PTPRN2: variants seen among roughly 807,000 people sequenced by gnomAD.
PTPRN2 encodes receptor-type tyrosine-protein phosphatase N2.
PTPRN2 carries 74 observed loss-of-function variants against 118.8 expected under a neutral mutation model. That is an observed-to-expected ratio of 0.62 (90% CI 0.52 to 0.76). PTPRN2 has a LOEUF of 0.76. Among genes scored for constraint, PTPRN2 ranks in the 30% least tolerant of loss-of-function variants. PTPRN2 has a pLI of 0.00. For synonymous variants in PTPRN2, 641 were observed against 608.0 expected (o/e 1.05, Z -0.80); for missense variants, 1,481 against 1,394.4 (o/e 1.06, Z -0.99).
chr7:158,040,738 T>TTTTTC (rs1295097449), intron 11 of PTPRN2, among the ~76,000 whole-genome samples: 4 of 142,264 alleles, frequency 2.8e-5, no homozygotes, highest in Non-Finnish European at 6.0e-5. Context: ...TTTTCTTTCT[T>TTTTTC]TTTTTTTTTT....
At chr7:158,323,609 G>A (rs527812350) in intron 2 of PTPRN2, among the ~76,000 whole-genome samples, 1 of 152,272 alleles carries the variant, frequency 6.6e-6, no homozygotes, top group African/African-American at 2.4e-5. Flanking sequence ...CATTTTCTGT[G>A]GTTGGATTTT....
At chr7:158,306,590 A>G (rs1412338420) in intron 3 of PTPRN2, among the ~76,000 whole-genome samples, 1 of 152,202 alleles carries the variant, frequency 6.6e-6, no homozygotes, top group Admixed American at 6.5e-5. Context: ...AAAAAACACA[A>G]ACTTTACAGA....
chr7:158,454,643 G>A (rs12533902), intron 2 of PTPRN2, among the ~76,000 whole-genome samples: 4,205 of 150,384 alleles, frequency 0.028, 85 homozygotes, highest in Non-Finnish European at 0.043. Flanking sequence ...GATTGGGGAT[G>A]GTTGCTATGG....
intron 11 of PTPRN2, among the ~76,000 whole-genome samples, chr7:157,949,541 T>A (rs1800684309): frequency 6.6e-6 from 1 of 152,248 alleles, no homozygotes; most frequent in Non-Finnish European, 1.5e-5. Flanking sequence ...TGAACATCAT[T>A]GAGGGGCTCA....
intron 3 of PTPRN2, among the ~76,000 whole-genome samples, chr7:158,259,442 C>G (rs146221104): frequency 3.3e-5 from 5 of 152,348 alleles, no homozygotes; most frequent in Non-Finnish European, 7.3e-5. Flanking sequence ...ATCACAGACA[C>G]CCCTCAGAGC....
rs74895395 is a variant in PTPRN2, at chr7:158,246,552, C to T, written c.278-41279G>A. Among the ~76,000 whole-genome samples the T allele has an allele frequency of 4.7e-3, 709 of 151,238 alleles. 9 individuals carry two copies. The highest frequency in any genetic ancestry group is 0.016 in the African/African-American group (675 of 41,096). ...ACAAGTCACCGTGGGTGGTCATTGTCCTTGTCCACGGGATTTTTCAAAGTA... is the reference window on the plus strand; with the variant it reads ...ACAAGTCACCGTGGGTGGTCATTGTTCTTGTCCACGGGATTTTTCAAAGTA... On this transcript the variant is annotated intron_variant, in intron 3 of 22. Coordinates refer to ENST00000389418, the MANE Select transcript of PTPRN2 (RefSeq NM_002847.5).
chr7:158,144,646 G>A (rs1054348446), intron 6 of PTPRN2, among the ~76,000 whole-genome samples: 11 of 152,116 alleles, frequency 7.2e-5, no homozygotes, highest in Non-Finnish European at 1.5e-4. Flanking sequence ...GAAGGGGAAG[G>A]GGAAGGAGAA....
intron 11 of PTPRN2, among the ~76,000 whole-genome samples, chr7:157,918,953 C>T (rs1353800582): frequency 2.6e-5 from 4 of 152,176 alleles, no homozygotes; most frequent in East Asian, 1.9e-4. Flanking sequence ...ACCTGAGGTG[C>T]GGACTTTAAA....
At position 158,310,336 on chromosome 7, in the gene PTPRN2, C is replaced by T. The variant is rs115920912; in HGVS notation, c.277+6483G>A. ...CAGTATCTCTTAGAGAACAGCTCGG[C>T]CATCATGAATGGAATGCTGGGAGGA... On this transcript the variant is annotated intron_variant, in intron 3 of 22. Transcript: ENST00000389418. 8.2e-3 allele frequency among the ~76,000 whole-genome samples: 1,254 copies of T among 152,314 alleles called. 20 individuals carry two copies. Among genetic ancestry groups the T allele is most frequent in the African/African-American group, 0.029 (1,190 of 41,554 alleles).
chr7:158,453,596 T>C (rs981518170), intron 2 of PTPRN2, among the ~76,000 whole-genome samples: 4 of 123,180 alleles, frequency 3.2e-5, no homozygotes, highest in Non-Finnish European at 7.2e-5. Context: ...TGGGAGAGGC[T>C]ACTGTTGCCC....
At chr7:158,048,613 A>G (rs1258860547) in intron 11 of PTPRN2, among the ~76,000 whole-genome samples, 3 of 99,716 alleles carry the variant, frequency 3.0e-5, no homozygotes, top group Non-Finnish European at 4.4e-5. Flanking sequence ...CATCAATCAC[A>G]TCACCACTAC....
intron 12 of PTPRN2, among the ~76,000 whole-genome samples, chr7:157,832,457 T>C (rs1482802460): frequency 6.6e-6 from 1 of 152,196 alleles, no homozygotes; most frequent in Non-Finnish European, 1.5e-5. Flanking sequence ...TCAAGAAATG[T>C]AGCGGTTCTG....
At chr7:157,875,182 A>C (rs1795677996) in intron 12 of PTPRN2, among the ~76,000 whole-genome samples, 1 of 152,106 alleles carries the variant, frequency 6.6e-6, no homozygotes, top group African/African-American at 2.4e-5. Flanking sequence ...TGACTTCACT[A>C]TTTTCGAAAT....
In PTPRN2 at chr7:158,522,457, G is replaced by A. The variant is rs953915201; in HGVS notation, c.113-32672C>T. Among the ~76,000 whole-genome samples the A allele has an allele frequency of 1.3e-5, 2 of 151,924 alleles. 1 individual carries two copies. The highest frequency in any genetic ancestry group is 4.8e-5 in the African/African-American group (2 of 41,404). On this transcript the variant is annotated intron_variant, in intron 1 of 22. Transcript: ENST00000389418. ...CACATCGGAATGGTAGACTGTTTAG[G>A]AGAAAGGTCCACGTCAGAATGGTGG...
chr7:157,724,789 G>C (rs1799433373), intron 12 of PTPRN2, among the ~76,000 whole-genome samples: 1 of 152,232 alleles, frequency 6.6e-6, no homozygotes, highest in Non-Finnish European at 1.5e-5. Context: ...CCACTGTAAA[G>C]TGAGAAATAC....
At chr7:157,776,452 CCTCCTCCTCCCTCTCCTTCTCCCT>C (rs1563096723) in intron 12 of PTPRN2, among the ~76,000 whole-genome samples, 16 of 119,846 alleles carry the variant, frequency 1.3e-4, no homozygotes, top group Admixed American at 5.9e-4. Flanking sequence ...TCCTCACTCT[CCTCCTCCTCCCTCTCCTTCTCCCT>C]CTCCTCCTCC....
chr7:158,258,436 T>C (rs1300213705), intron 3 of PTPRN2, among the ~76,000 whole-genome samples: 1 of 141,334 alleles, frequency 7.1e-6, no homozygotes, highest in Non-Finnish European at 1.6e-5. Context: ...TAAATTTCTA[T>C]GAATCGCCGC....
rs575449673 is a variant in PTPRN2, at chr7:157,568,803, A to T, written c.2902+99T>A. 158 of 1,305,914 alleles carry T rather than the reference A, an allele frequency of 1.2e-4. No homozygotes were observed. In the African/African-American group the frequency reaches 2.0e-3, roughly 16 times the overall value. The allele number at this position is 1,305,914 out of a possible 1,614,324, so 80.9% of individuals were successfully genotyped here. A position where few individuals can be genotyped will look rare whatever the true frequency, so the allele number is the denominator to read the frequency against. On this transcript the variant is annotated intron_variant, in intron 21 of 22. Coordinates refer to ENST00000389418, the MANE Select transcript of PTPRN2 (RefSeq NM_002847.5). ...CCAGCAGAGGCACAACAAGCAGCGAATTTTTTCCAGGGCCTCCCGTGAACA... is the reference window on the plus strand; with the variant it reads ...CCAGCAGAGGCACAACAAGCAGCGATTTTTTTCCAGGGCCTCCCGTGAACA...
intron 11 of PTPRN2, among the ~76,000 whole-genome samples, chr7:157,920,836 T>A (rs1403223289): frequency 6.6e-6 from 1 of 152,172 alleles, no homozygotes; most frequent in Admixed American, 6.5e-5. Context: ...AAAATCTAGG[T>A]GACCTTGGGT....
Sources: gnomAD v4.1 joint callset for allele counts (sites outside exome capture counted in the v4.1 genomes callset) on GRCh38, gnomAD v4.1.1 for gene constraint, MANE v1.5 for transcripts, NCBI Gene and HGNC (gene_info 2026-07-23, HGNC 2026-07-21) for gene names.